WWOX: variants seen among roughly 807,000 people sequenced by gnomAD.
WWOX encodes the protein WW domain containing oxidoreductase.
WWOX carries 69 observed loss-of-function variants against 46.2 expected under a neutral mutation model. The observed-to-expected ratio is 1.49, with a 90% confidence interval of 1.23 to 1.82. WWOX has a LOEUF of 1.82. WWOX is among the 40% of genes most tolerant of loss of function. The pLI is 0.00. For synonymous variants in WWOX, 359 were observed against 202.6 expected, an observed-to-expected ratio of 1.77 and a Z score of -6.56; for missense variants, 919 against 542.6, an observed-to-expected ratio of 1.69 and a Z score of -6.89.
chr16:78,974,017 C>A (rs1186100951), intron 8 of WWOX, among the ~76,000 whole-genome samples: 1 of 152,176 alleles, frequency 6.6e-6, no homozygotes, highest in Non-Finnish European at 1.5e-5. Flanking sequence ...AAAACTCATG[C>A]AACATTTATG....
At chr16:78,756,059 A>C (rs927885427) in intron 8 of WWOX, among the ~76,000 whole-genome samples, 10 of 152,168 alleles carry the variant, frequency 6.6e-5, no homozygotes, top group Admixed American at 2.0e-4. Flanking sequence ...GAAGGCTCAG[A>C]ATTCACCCCA....
chr16:78,458,632 ATTATT>A (rs1362413114), intron 8 of WWOX, among the ~76,000 whole-genome samples: 2 of 151,998 alleles, frequency 1.3e-5, no homozygotes, highest in African/African-American at 4.8e-5. Context: ...GTCATTTAAA[ATTATT>A]TTATAGCATA....
At chr16:78,335,828 A>G (rs895505389) in intron 5 of WWOX, among the ~76,000 whole-genome samples, 3 of 152,064 alleles carry the variant, frequency 2.0e-5, no homozygotes, top group Admixed American at 6.5e-5. Flanking sequence ...ATGATGACTC[A>G]CATTTGTAAT....
At chr16:78,440,720 G>A (rs1363071774) in intron 8 of WWOX, among the ~76,000 whole-genome samples, 8 of 151,506 alleles carry the variant, frequency 5.3e-5, no homozygotes, top group Non-Finnish European at 8.8e-5. Context: ...CCCAGTTCAA[G>A]CAATTCTCCT....
chr16:78,649,934 G>A (rs113247968), intron 8 of WWOX, among the ~76,000 whole-genome samples: 4 of 152,256 alleles, frequency 2.6e-5, no homozygotes, highest in Middle Eastern at 3.4e-3. Flanking sequence ...CAACAGCCCT[G>A]GCCACCATCT....
intron 8 of WWOX, among the ~76,000 whole-genome samples, chr16:78,493,142 C>T (rs1347422374): frequency 6.6e-6 from 1 of 152,136 alleles, no homozygotes; most frequent in Non-Finnish European, 1.5e-5. Context: ...TGGACTTCTT[C>T]CTGGGAGAAG....
chr16:78,783,136 A>C (rs559942964), intron 8 of WWOX, among the ~76,000 whole-genome samples: 3 of 152,240 alleles, frequency 2.0e-5, no homozygotes, highest in African/African-American at 4.8e-5. Flanking sequence ...CCAAAACAAA[A>C]CAAAAGCACA....
chr16:78,950,494 A>C (rs2046036780), intron 8 of WWOX, among the ~76,000 whole-genome samples: 1 of 150,674 alleles, frequency 6.6e-6, no homozygotes, highest in South Asian at 2.1e-4. Context: ...AGGAAAGACA[A>C]AGCAAACCCT....
At chr16:78,389,470 G>C (rs2082132631) in intron 6 of WWOX, among the ~76,000 whole-genome samples, 1 of 152,162 alleles carries the variant, frequency 6.6e-6, no homozygotes. Flanking sequence ...TTGTTTGGGA[G>C]GGAATGATAA....
At chr16:79,017,302 C>G (rs963378889) in intron 8 of WWOX, 1 of 151,540 alleles carries the variant, frequency 6.6e-6, no homozygotes, top group South Asian at 2.1e-4. Flanking sequence ...TGGTGGTGGG[C>G]ACCTGTAGTC....
intron 8 of WWOX, among the ~76,000 whole-genome samples, chr16:78,517,466 T>C (rs1160548015): frequency 6.6e-6 from 1 of 152,228 alleles, no homozygotes; most frequent in Non-Finnish European, 1.5e-5. Context: ...ACGCTTCGCA[T>C]ATGTATTTAT....
chr16:78,748,508 C>G (rs1187574941), intron 8 of WWOX, among the ~76,000 whole-genome samples: 1 of 152,172 alleles, frequency 6.6e-6, no homozygotes, highest in Non-Finnish European at 1.5e-5. Context: ...TTCTGCCATT[C>G]TTATTAGGGT....
intron 8 of WWOX, among the ~76,000 whole-genome samples, chr16:79,083,373 C>A (rs865945971): frequency 7.2e-5 from 11 of 152,324 alleles, no homozygotes; most frequent in Admixed American, 2.0e-4. Context: ...AAACCCATGT[C>A]TTCCTCCTGG....
At chr16:78,460,673 T>C (rs963281442) in intron 8 of WWOX, among the ~76,000 whole-genome samples, 2 of 152,222 alleles carry the variant, frequency 1.3e-5, no homozygotes, top group African/African-American at 4.8e-5. Context: ...TGCTGTGTCC[T>C]TGCTTTTGAA....
At chr16:78,652,585 C>T (rs181615741) in intron 8 of WWOX, among the ~76,000 whole-genome samples, 18 of 152,158 alleles carry the variant, frequency 1.2e-4, no homozygotes, top group Admixed American at 5.9e-4. Flanking sequence ...TCAGCGTGTT[C>T]GGGGTCTCCC....
At chr16:78,314,717 TTTTTC>T (rs1174724756) in intron 5 of WWOX, among the ~76,000 whole-genome samples, 45 of 129,972 alleles carry the variant, frequency 3.5e-4, no homozygotes, top group African/African-American at 9.9e-4. Flanking sequence ...TTTTTTTTTT[TTTTTC>T]TGTATTTTCA....
At chr16:78,500,891 A>G (rs2085046573) in intron 8 of WWOX, among the ~76,000 whole-genome samples, 1 of 152,216 alleles carries the variant, frequency 6.6e-6, no homozygotes, top group Non-Finnish European at 1.5e-5. Context: ...AGAAGTTCCA[A>G]AAGAATTCAA....
At chr16:78,422,519 G>C (rs1379991399) in intron 6 of WWOX, among the ~76,000 whole-genome samples, 3 of 150,094 alleles carry the variant, frequency 2.0e-5, no homozygotes, top group African/African-American at 7.3e-5. Context: ...TCACTTTCGG[G>C]TGGTTGTTGT....
intron 8 of WWOX, among the ~76,000 whole-genome samples, chr16:79,180,158 C>T (rs1042703626): frequency 1.3e-5 from 2 of 152,100 alleles, no homozygotes; most frequent in Non-Finnish European, 2.9e-5. Flanking sequence ...GTCACGGGTA[C>T]ATCAAAACGA....
Sources: allele counts gnomAD v4.1 joint callset (sites outside exome capture counted in the v4.1 genomes callset), GRCh38; gene constraint gnomAD v4.1.1; transcripts MANE v1.5; gene names NCBI Gene and HGNC (gene_info 2026-07-23, HGNC 2026-07-21).